The following SND1 variants were observed in gnomAD, a reference collection of about 807,000 sequenced individuals.
SND1 encodes staphylococcal nuclease and tudor domain containing 1.
SND1 carries 38 observed loss-of-function variants against 121.7 expected under a neutral mutation model. That is an observed-to-expected ratio of 0.31 (90% confidence interval 0.24 to 0.41). SND1 has a LOEUF of 0.41. SND1 is among the 10% of genes least tolerant of loss of function. The pLI is 1.00. For missense variants in SND1, 868 were observed against 1,184.6 expected (o/e 0.73, Z 3.92); for synonymous variants, 401 against 447.4 (o/e 0.90, Z 1.31).
At chr7:128,049,784 G>A (rs2117018804) in intron 16 of SND1, among the ~76,000 whole-genome samples, 1 of 152,284 alleles carries the variant, frequency 6.6e-6, no homozygotes, top group South Asian at 2.1e-4. Flanking sequence ...GAAGAAATTG[G>A]CTAGAGTGTC....
chr7:127,763,462 T>G (rs1209394180), intron 10 of SND1, among the ~76,000 whole-genome samples: 2 of 152,146 alleles, frequency 1.3e-5, no homozygotes, highest in African/African-American at 4.8e-5. Context: ...TACTCCTGCC[T>G]CAGCCTTTCA....
intron 15 of SND1, among the ~76,000 whole-genome samples, chr7:127,936,691 A>G (rs944208579): frequency 6.6e-6 from 1 of 151,922 alleles, no homozygotes; most frequent in Non-Finnish European, 1.5e-5. Flanking sequence ...CAGCAGGTGC[A>G]TGCCACCACA....
intron 14 of SND1, among the ~76,000 whole-genome samples, chr7:127,910,875 G>C (rs900530685): frequency 6.6e-6 from 1 of 152,168 alleles, no homozygotes; most frequent in South Asian, 2.1e-4. Context: ...GGGTTGCCTA[G>C]CACTGGAGCT....
chr7:128,084,945 G>GA, intron 19 of SND1, 98 bp downstream of exon 19: 9 of 1,291,474 alleles, frequency 7.0e-6, no homozygotes, highest in Non-Finnish European at 9.4e-6. Flanking sequence ...GGTTTCCCCA[G>GA]CTGGTTAATG....
intron 18 of SND1, among the ~76,000 whole-genome samples, chr7:128,083,359 A>G (rs927604501): frequency 3.3e-5 from 5 of 152,196 alleles, no homozygotes; most frequent in African/African-American, 1.2e-4. Flanking sequence ...CTGGAATTTC[A>G]CTGTCTATGG....
chr7:128,007,037 A>G (rs1802996125), intron 16 of SND1, among the ~76,000 whole-genome samples: 1 of 150,282 alleles, frequency 6.7e-6, no homozygotes, highest in South Asian at 2.1e-4. Context: ...TTTGTTAGAA[A>G]CCCAGTGTTG....
intron 10 of SND1, among the ~76,000 whole-genome samples, chr7:127,773,855 G>A (rs1441046542): frequency 1.3e-5 from 2 of 152,178 alleles, no homozygotes; most frequent in South Asian, 2.1e-4. Flanking sequence ...TATGATGGTG[G>A]TTCCATAAGA....
intron 16 of SND1, among the ~76,000 whole-genome samples, chr7:128,071,359 G>T (rs1472188366): frequency 3.3e-5 from 5 of 152,080 alleles, no homozygotes. Flanking sequence ...AGGAGCAATG[G>T]TTCAATATTT....
chr7:127,812,094 A>G (rs1214719112), intron 11 of SND1, among the ~76,000 whole-genome samples: 1 of 152,200 alleles, frequency 6.6e-6, no homozygotes, highest in African/African-American at 2.4e-5. Flanking sequence ...CCCACAGAAA[A>G]GTACTTTACT....
At chr7:127,827,919 C>A (rs570931224) in intron 11 of SND1, among the ~76,000 whole-genome samples, 1 of 151,310 alleles carries the variant, frequency 6.6e-6, no homozygotes, top group Non-Finnish European at 1.5e-5. Context: ...TTCCTTAATA[C>A]ATTTATTTGC....
At chr7:128,089,757 C>T in intron 22 of SND1, 65 bp downstream of exon 22, 13 of 1,434,752 alleles carry the variant, frequency 9.1e-6, no homozygotes, top group Non-Finnish European at 1.3e-5. Context: ...GGGACTGTTC[C>T]ACAAGCCAGG....
chr7:127,970,155 A>G (rs1801950641), intron 15 of SND1, among the ~76,000 whole-genome samples: 2 of 152,184 alleles, frequency 1.3e-5, no homozygotes, highest in South Asian at 4.1e-4. Flanking sequence ...TTTAAAGTCT[A>G]TCATAGTCTA....
intron 18 of SND1, chr7:128,081,736 T>A: frequency 1.6e-6 from 1 of 627,628 alleles, no homozygotes; most frequent in Non-Finnish European, 3.0e-6. Flanking sequence ...GGCATGGAGG[T>A]GCTGCCGGAC....
intron 8 of SND1, among the ~76,000 whole-genome samples, chr7:127,706,140 G>T (rs995200907): frequency 2.0e-5 from 3 of 151,814 alleles, no homozygotes; most frequent in Non-Finnish European, 4.4e-5. Context: ...AAATACTTCC[G>T]ATTATTCTAC....
rs774578928 is a variant in SND1, at chr7:127,652,346, T to C, written c.-28T>C. 3.8e-6 allele frequency: 6 copies of C among 1,575,152 alleles called. No homozygotes were observed. Among genetic ancestry groups the C allele is most frequent in the Middle Eastern group, 3.3e-4 (2 of 6,032 alleles). ...TGACACCTCCAGTCCGGCCAGCCGC[T>C]CCACTCGTTGCCTTTGCATCTCCAC... is the stretch of plus-strand genomic sequence containing the variant. On this transcript the variant is annotated 5_prime_UTR_variant, in exon 1 of 24. Coordinates refer to ENST00000354725, the MANE Select transcript of SND1 (RefSeq NM_014390.4).
intron 16 of SND1, among the ~76,000 whole-genome samples, chr7:128,041,095 C>A (rs939782583): frequency 2.0e-5 from 3 of 152,092 alleles, no homozygotes; most frequent in Non-Finnish European, 4.4e-5. Flanking sequence ...TACTCTTCAT[C>A]CCACCCCTTC....
intron 12 of SND1, among the ~76,000 whole-genome samples, chr7:127,856,724 A>G (rs1188801812): frequency 2.0e-5 from 3 of 152,216 alleles, no homozygotes; most frequent in Admixed American, 1.3e-4. Flanking sequence ...AATGTGGTTT[A>G]TAAGCCATCA....
chr7:127,750,459 T>C (rs1797069263), intron 10 of SND1, among the ~76,000 whole-genome samples: 1 of 152,328 alleles, frequency 6.6e-6, no homozygotes, highest in African/African-American at 2.4e-5. Context: ...ACGTGTGTGG[T>C]ATGTTAATTA....
rs929508147 is a variant in SND1 at position 128,029,110 on chromosome 7, T to C, written c.1779+38054T>C. The C allele has an allele frequency of 6.2e-7, 1 of 1,614,026 alleles. No individual in the cohort carries two copies. The highest frequency in any genetic ancestry group is 8.5e-7 in the Non-Finnish European group (1 of 1,180,048). On this transcript the variant is annotated intron_variant, in intron 16 of 23. Transcript: ENST00000354725. The surrounding 1 kb of genome is among the most constrained non-coding windows in gnomAD (Gnocchi z 4.2). ...AGGCTGGTCTGCATCTTGTCAGTGG[T>C]GTCTGTCGCGGGTACTGCCACCTGC... is the stretch of plus-strand genomic sequence containing the variant.
Sources: allele counts gnomAD v4.1 joint callset (sites outside exome capture counted in the v4.1 genomes callset), GRCh38; gene constraint gnomAD v4.1.1; non-coding constraint Gnocchi (gnomAD v3.1); transcripts MANE v1.5; gene names NCBI Gene and HGNC (gene_info 2026-07-23, HGNC 2026-07-21).